Variants in PODN observed in about 807,000 individuals in gnomAD.
PODN encodes podocan.
In PODN, 40 loss-of-function variants were observed where a neutral mutation model predicts 52.7. The ratio of observed to expected loss-of-function variants is 0.76; its 90% CI spans 0.59 to 0.99. PODN has a LOEUF of 0.99. Among genes scored for constraint, PODN ranks in the 50% least tolerant of loss-of-function variants. PODN has a pLI of 0.00. For synonymous variants in PODN, 396 were observed against 377.9 expected, an observed-to-expected ratio of 1.05 and a Z score of -0.56; for missense variants, 720 against 815.1, an observed-to-expected ratio of 0.88 and a Z score of 1.42.
intron 1 of PODN, chr1:53,063,302 G>A (rs1643986295): frequency 2.1e-6 from 2 of 950,418 alleles, no homozygotes; most frequent in Non-Finnish European, 2.5e-6. Context: ...CGGGAGGCGC[G>A]GAGGATGCTC....
rs1169242328 is a variant in PODN at position 53,074,686 on chromosome 1, C to T, written c.471+16C>T. 6.2e-7 allele frequency: 1 copy of T among 1,608,372 alleles called. No homozygotes were observed. Among genetic ancestry groups the T allele is most frequent in the East Asian group, 2.2e-5 (1 of 44,546 alleles). ...CAATAACAAGGTGAGGGGCTTGAGGCAGGGTGGGGGGTTGCTGCCCTGTCC... is the reference window on the plus strand; with the variant it reads ...CAATAACAAGGTGAGGGGCTTGAGGTAGGGTGGGGGGTTGCTGCCCTGTCC... On this transcript the variant is annotated intron_variant, in intron 4 of 10. Transcript: ENST00000312553.
rs771795892 is a variant in PODN at position 53,082,001 on chromosome 1, G to A, written c.1682G>A (p.Gly561Asp). The A allele has an allele frequency of 6.2e-7, 1 of 1,605,692 alleles. No homozygotes were observed. The highest frequency in any genetic ancestry group is 8.5e-7 in the Non-Finnish European group (1 of 1,175,392). The change falls in exon 10 of 11, where the codon GGC becomes GAC. Residue 561 changes from glycine (G) to aspartate (D), a missense_variant. By Grantham distance (94) the Gly-to-Asp change is moderately conservative. Transcript: ENST00000312553. ...CACAGGTTTAACAAGCTGGCTGTGGGCTCCGTGGTGGACAGTGCCTTCCGG... is the reference window on the plus strand; with the variant it reads ...CACAGGTTTAACAAGCTGGCTGTGGACTCCGTGGTGGACAGTGCCTTCCGG... ...IFLRFNKLAV[G>D]SVVDSAFRRL...
Position 53,082,108 on chromosome 1 carries a change from A to G in PODN, c.1789A>G (p.Lys597Glu), listed in dbSNP as rs1243248734. ...TTCCAAGGACCGTGGCCGCTTGGGGAAGGAAAAGGAGGAGGAGGAAGAGGA... is the reference window on the plus strand; with the variant it reads ...TTCCAAGGACCGTGGCCGCTTGGGGGAGGAAAAGGAGGAGGAGGAAGAGGA... ...DISKDRGRLG[K>E]EKEEEEEEEE... Residue 597 changes from lysine (K) to glutamate (E), a missense_variant, in exon 10 of 11, where the codon AAG (lysine) becomes GAG (glutamate). By Grantham distance (56) the Lys-to-Glu change is moderately conservative. Transcript: ENST00000312553. 1.9e-6 allele frequency: 3 copies of G among 1,613,756 alleles called. No homozygotes were observed. The highest frequency in any genetic ancestry group is 2.5e-6 in the Non-Finnish European group (3 of 1,179,946).
At chr1:53,064,090 T>C (rs1643999187) in intron 1 of PODN, among the ~76,000 whole-genome samples, 1 of 152,238 alleles carries the variant, frequency 6.6e-6, no homozygotes, top group Non-Finnish European at 1.5e-5. Flanking sequence ...ATTTTACTCT[T>C]GGCCTTGGCT....
At chr1:53,071,008 C>G (rs1006903446) in intron 2 of PODN, 9 of 153,678 alleles carry the variant, frequency 5.9e-5, no homozygotes, top group African/African-American at 2.2e-4. Context: ...GAGGCAGAGA[C>G]TTCTTAAACA....
chr1:53,063,473 C>A, intron 1 of PODN: 1 of 985,628 alleles, frequency 1.0e-6, no homozygotes, highest in Non-Finnish European at 1.2e-6. Flanking sequence ...ATATAGAAAC[C>A]TTCCACACTG....
At chr1:53,063,368 A>G in intron 1 of PODN, 1 of 985,894 alleles carries the variant, frequency 1.0e-6, no homozygotes, top group Non-Finnish European at 1.2e-6. Flanking sequence ...CCGGCTGGCC[A>G]GGGAAGGGGA....
chr1:53,078,539 C>T lies in PODN; in HGVS notation c.1029C>T (p.Asn343=). ...TGGAGTACCTGCTGCTGCACAGCAA[C>T]CAGCTGCGGGAGCAGGGCATCCACC... The part of the protein sequence containing the change: ...RSLEYLLLHS[N]QLREQGIHPL... The change falls in exon 8 of 11, where the codon AAC becomes AAT. Residue 343 remains asparagine, a synonymous_variant. Coordinates refer to ENST00000312553, the MANE Select transcript of PODN (RefSeq NM_153703.5). 1 of 1,613,190 alleles carries T rather than the reference C, an allele frequency of 6.2e-7. No homozygotes were observed. Among genetic ancestry groups the T allele is most frequent in the Non-Finnish European group, 8.5e-7 (1 of 1,180,042 alleles).
intron 1 of PODN, chr1:53,066,731 C>T (rs540975983): frequency 1.5e-6 from 2 of 1,354,894 alleles, no homozygotes; most frequent in African/African-American, 2.9e-5. Flanking sequence ...GGCTCAGCTC[C>T]CTGAGTTGTA....
chr1:53,077,002 G>A (rs971109671), intron 5 of PODN, among the ~76,000 whole-genome samples, 188 bp from the exon 6 acceptor site: 1 of 152,220 alleles, frequency 6.6e-6, no homozygotes, highest in African/African-American at 2.4e-5. Context: ...CACCTGTGGT[G>A]GGGCACGGCC....
rs951841760 is a variant in PODN, at chr1:53,071,681, G to A, written c.406+53G>A. ...AGGGACACCAAGTGGGGCCTTGGGG[G>A]CCTGAACGATGCTGGGTGCCCAGGG... On this transcript the variant is annotated intron_variant, in intron 3 of 10. Coordinates refer to ENST00000312553, the MANE Select transcript of PODN (RefSeq NM_153703.5). The A allele has an allele frequency of 2.1e-5, 32 of 1,529,538 alleles. No homozygotes were observed. The African/African-American group carries it at 3.8e-4, about 18-fold the overall frequency. 94.7% of individuals were successfully genotyped at this position (1,529,538 alleles called of 1,614,324 possible).
At chr1:53,081,292 T>C (rs919614387) in intron 9 of PODN, among the ~76,000 whole-genome samples, 3 of 152,184 alleles carry the variant, frequency 2.0e-5, no homozygotes, top group African/African-American at 7.2e-5. Context: ...ATTCGGGGGA[T>C]GCAGCTCCCT....
At chr1:53,070,299 A>C in intron 2 of PODN, 132 bp downstream of exon 2, 5 of 1,373,050 alleles carry the variant, frequency 3.6e-6, no homozygotes, top group Non-Finnish European at 3.9e-6. Flanking sequence ...ACTCCCAACC[A>C]CAGGGTGCTG....
In PODN at chr1:53,078,611, C is replaced by A. The variant is rs762911040; in HGVS notation, c.1101C>A (p.Tyr367Ter). The A allele has an allele frequency of 6.2e-6, 10 of 1,612,948 alleles. No individual in the cohort carries two copies. The highest frequency in any genetic ancestry group is 1.3e-5 in the African/African-American group (1 of 74,962). Reference sequence around the variant, plus strand: ...AGCGGTTGCACACGGTGCACCTGTACAACAACGCGCTGGAGCGCGTGCCCA... The same window carrying A: ...AGCGGTTGCACACGGTGCACCTGTAAAACAACGCGCTGGAGCGCGTGCCCA... ...GLKRLHTVHLYNNALERVPSG... is the reference protein window; with the variant it reads ...GLKRLHTVHL Residue 367 changes from tyrosine (Y) to a stop codon, truncating the protein, a stop_gained, in exon 8 of 11, where the codon TAC (tyrosine) becomes TAA (stop). Coordinates refer to ENST00000312553, the MANE Select transcript of PODN (RefSeq NM_153703.5). LOFTEE classifies it high-confidence loss of function.
intron 1 of PODN, among the ~76,000 whole-genome samples, chr1:53,066,156 T>G (rs974129517): frequency 2.6e-5 from 4 of 151,984 alleles, no homozygotes; most frequent in Non-Finnish European, 4.4e-5. Context: ...CTATCTCACC[T>G]GGCTAATTTT....
At chr1:53,075,610 G>A (rs2150300733) in intron 4 of PODN, among the ~76,000 whole-genome samples, 1 of 152,352 alleles carries the variant, frequency 6.6e-6, no homozygotes, top group Non-Finnish European at 1.5e-5. Flanking sequence ...ATCCACGCGG[G>A]ATGAACCCAG....
At chr1:53,070,691 A>C (rs1644104304) in intron 2 of PODN, among the ~76,000 whole-genome samples, 1 of 152,238 alleles carries the variant, frequency 6.6e-6, no homozygotes, top group South Asian at 2.1e-4. Flanking sequence ...TGTGCGGCCC[A>C]ACAGCCCTAG....
In PODN at chr1:53,077,244, G is replaced by A; in HGVS notation, c.636G>A (p.Met212Ile). Residue 212 changes from methionine (M) to isoleucine (I), a missense_variant, in exon 6 of 11, where the codon ATG becomes ATA. Transcript: ENST00000312553. Reference sequence around the variant, plus strand: ...CAGACGCCGGGCTGCCGGACAACATGTTCAACGGCTCCAGCAACGTCGAGG... The same window carrying A: ...CAGACGCCGGGCTGCCGGACAACATATTCAACGGCTCCAGCAACGTCGAGG... The part of the protein sequence containing the change: ...KLADAGLPDN[M>I]FNGSSNVEVL... The A allele has an allele frequency of 6.2e-7, 1 of 1,613,518 alleles. No homozygotes were observed. Among genetic ancestry groups the A allele is most frequent in the Non-Finnish European group, 8.5e-7 (1 of 1,180,026 alleles).
In PODN at chr1:53,078,798, C is replaced by T. The variant is rs551408418; in HGVS notation, c.1288C>T (p.Arg430Cys). The change falls in exon 8 of 11, where the codon CGC becomes TGC. Residue 430 changes from arginine to cysteine, a missense_variant. Physicochemically the swap from Arg to Cys is radical, Grantham distance 180. Coordinates refer to ENST00000312553, the MANE Select transcript of PODN (RefSeq NM_153703.5). Reference sequence around the variant, plus strand: ...GCACCGCGACGCCTTCCGCAAGCTGCGCCTGCTGCGCTCGCTGGACCTGTC... The same window carrying T: ...GCACCGCGACGCCTTCCGCAAGCTGTGCCTGCTGCGCTCGCTGGACCTGTC... ...QVHRDAFRKL[R>C]LLRSLDLSGN... 9.3e-6 allele frequency: 15 copies of T among 1,613,106 alleles called. No homozygotes were observed. The highest frequency in any genetic ancestry group is 5.0e-5 in the Admixed American group (3 of 60,022).
Sources: allele counts gnomAD v4.1 joint callset (sites outside exome capture counted in the v4.1 genomes callset), GRCh38; gene constraint gnomAD v4.1.1; transcripts MANE v1.5; gene names NCBI Gene and HGNC (gene_info 2026-07-23, HGNC 2026-07-21).